The following SLC25A26 variants were observed in gnomAD, a reference collection of about 807,000 sequenced individuals.
SLC25A26 encodes mitochondrial S-adenosylmethionine carrier protein.
Under a neutral mutation model 37.8 loss-of-function variants are expected in SLC25A26, and 36 were observed. The observed-to-expected ratio is 0.95, with a 90% CI of 0.73 to 1.26. The LOEUF is 1.26. Ranked by LOEUF, SLC25A26 falls within the 50% of genes most tolerant of loss-of-function variation. SLC25A26 has a pLI of 0.00. For missense variants in SLC25A26, 390 were observed against 331.1 expected (o/e 1.18, Z -1.38); for synonymous variants, 129 against 122.5 (o/e 1.05, Z -0.35).
chr3:66,220,432 G>C (rs909672670), upstream of SLC25A26, among the ~76,000 whole-genome samples: 1 of 152,100 alleles, frequency 6.6e-6, no homozygotes, highest in Non-Finnish European at 1.5e-5. Context: ...GTACAACAGC[G>C]AACAACATGA....
At chr3:66,363,573 A>G (rs1356965266) in intron 7 of SLC25A26, among the ~76,000 whole-genome samples, 1 of 152,202 alleles carries the variant, frequency 6.6e-6, no homozygotes, top group Non-Finnish European at 1.5e-5. Context: ...AAAGAGCTTA[A>G]TAAGTGATAT....
At chr3:66,267,785 TC>T (rs1005256143) in intron 5 of SLC25A26, among the ~76,000 whole-genome samples, 1 of 152,192 alleles carries the variant, frequency 6.6e-6, no homozygotes, top group African/African-American at 2.4e-5. Context: ...GGTGCAAAAA[TC>T]ATCACTCTTA....
intron 5 of SLC25A26, among the ~76,000 whole-genome samples, chr3:66,272,417 C>T (rs527683563): frequency 1.6e-4 from 25 of 151,938 alleles, no homozygotes; most frequent in Non-Finnish European, 3.1e-4. Flanking sequence ...TTTAGATAGG[C>T]GTTAGTGCCA....
intron 5 of SLC25A26, among the ~76,000 whole-genome samples, chr3:66,273,885 A>G (rs1187001377): frequency 1.3e-5 from 2 of 152,154 alleles, no homozygotes; most frequent in Admixed American, 1.3e-4. Flanking sequence ...TCTTCACAGA[A>G]TTGGAAAAAA....
chr3:66,331,633 G>C (rs2075976275), intron 5 of SLC25A26, among the ~76,000 whole-genome samples: 1 of 151,930 alleles, frequency 6.6e-6, no homozygotes, highest in Non-Finnish European at 1.5e-5. Flanking sequence ...TCTGGTTTTT[G>C]CTGGTTTGAT....
intron 7 of SLC25A26, among the ~76,000 whole-genome samples, chr3:66,363,641 A>T (rs948011955): frequency 6.6e-6 from 1 of 152,260 alleles, no homozygotes; most frequent in African/African-American, 2.4e-5. Context: ...TTAGAATTAT[A>T]GTTGAAATAC....
chr3:66,171,007 T>G (rs1014643338), intron 1 of SLC25A26, among the ~76,000 whole-genome samples: 1 of 150,956 alleles, frequency 6.6e-6, no homozygotes, highest in African/African-American at 2.4e-5. Context: ...GTTTCACCGT[T>G]TTAGCCGGGA....
intron 1 of SLC25A26, among the ~76,000 whole-genome samples, chr3:66,165,920 A>ACCCCACCTCT: frequency 9.6e-6 from 1 of 104,410 alleles, no homozygotes; most frequent in South Asian, 3.2e-4. Context: ...TACCCCCACC[A>ACCCCACCTCT]CCCCACCTCT....
chr3:66,356,901 A>AT (rs1487431773), intron 6 of SLC25A26, among the ~76,000 whole-genome samples: 1 of 151,914 alleles, frequency 6.6e-6, no homozygotes, highest in Non-Finnish European at 1.5e-5. Flanking sequence ...AAGTGCTAGG[A>AT]TTATAGGCAC....
intron 1 of SLC25A26, among the ~76,000 whole-genome samples, chr3:66,147,075 TTCCCTCCCCTCCCCTCCCCTCCCCTCCCC>T (rs2070126857): frequency 9.8e-5 from 1 of 10,228 alleles, no homozygotes; most frequent in East Asian, 5.0e-3. Context: ...TCCCCTTCCC[TTCCCTCCCCTCCCCTCCCCTCCCCTCCCC>T]TCCCCTCCCC....
At chr3:66,246,209 G>T (rs915183200) in intron 3 of SLC25A26, among the ~76,000 whole-genome samples, 20 of 152,248 alleles carry the variant, frequency 1.3e-4, no homozygotes, top group African/African-American at 4.3e-4. Flanking sequence ...GTTACATGCA[G>T]TTAGTCTGGA....
chr3:66,341,060 A>T (rs2076199035), intron 5 of SLC25A26, among the ~76,000 whole-genome samples: 1 of 151,870 alleles, frequency 6.6e-6, no homozygotes. Context: ...TATTTCTTTT[A>T]TATTTTTATT....
chr3:66,351,594 A>T (rs547284826), intron 6 of SLC25A26, among the ~76,000 whole-genome samples: 4 of 152,210 alleles, frequency 2.6e-5, no homozygotes, highest in Admixed American at 2.6e-4. Context: ...TCTGAGTGGC[A>T]GCCTCAGATC....
At chr3:66,219,587 G>A (rs993880332), upstream of SLC25A26, among the ~76,000 whole-genome samples, 1 of 152,196 alleles carries the variant, frequency 6.6e-6, no homozygotes, top group Non-Finnish European at 1.5e-5. Context: ...TCTGGGTAGA[G>A]AGAACAACAT....
At chr3:66,219,043 C>T (rs1000970784), upstream of SLC25A26, among the ~76,000 whole-genome samples, 23 of 152,244 alleles carry the variant, frequency 1.5e-4, no homozygotes, top group South Asian at 6.2e-4. Flanking sequence ...TAATTTGTTA[C>T]GCAGAAATAG....
chr3:66,189,558 C>G (rs1307166504), intron 1 of SLC25A26, among the ~76,000 whole-genome samples: 4 of 152,210 alleles, frequency 2.6e-5, no homozygotes. Context: ...AAATCTTATA[C>G]ACTCACACTC....
intron 1 of SLC25A26, among the ~76,000 whole-genome samples, chr3:66,137,664 G>A (rs1302428659): frequency 6.6e-6 from 1 of 152,154 alleles, no homozygotes; most frequent in Non-Finnish European, 1.5e-5. Flanking sequence ...ATTGTGAGAA[G>A]GGAATAAGAT....
chr3:66,326,271 C>G (rs553991864), intron 5 of SLC25A26, among the ~76,000 whole-genome samples: 3 of 152,188 alleles, frequency 2.0e-5, no homozygotes, highest in African/African-American at 7.2e-5. Flanking sequence ...AAGGATATTC[C>G]TAGCACAGGA....
chr3:66,215,078 G>A (rs2071340585), intron 1 of SLC25A26, among the ~76,000 whole-genome samples: 1 of 152,068 alleles, frequency 6.6e-6, no homozygotes, highest in African/African-American at 2.4e-5. Context: ...TGAGCCTAGA[G>A]AGCGCCACTA....
Sources: allele counts gnomAD v4.1 joint callset (sites outside exome capture counted in the v4.1 genomes callset), GRCh38; gene constraint gnomAD v4.1.1; transcripts MANE v1.5; gene names NCBI Gene and HGNC (gene_info 2026-07-23, HGNC 2026-07-21).